The following EPN3 variants were observed in gnomAD, a reference collection of about 807,000 sequenced individuals.
The protein encoded by EPN3 is epsin-3.
A neutral mutation model predicts 55.5 loss-of-function variants in EPN3; 56 were observed. The observed-to-expected ratio is 1.01, with a 90% CI of 0.81 to 1.26. The LOEUF is 1.26. Ranked by LOEUF, EPN3 falls within the 50% of genes most tolerant of loss-of-function variation. EPN3 has a pLI of 0.00. For synonymous variants in EPN3, 449 were observed against 375.2 expected (o/e 1.20, Z -2.27); for missense variants, 927 against 853.4 (o/e 1.09, Z -1.07).
intron 3 of EPN3, 53 bp downstream of exon 3, chr17:50,538,250 A>C: frequency 7.0e-7 from 1 of 1,436,280 alleles, no homozygotes; most frequent in Non-Finnish European, 9.6e-7. Context: ...AGGGGGAGAG[A>C]GTGCCTGGGA....
chr17:50,538,202 G>T lies in EPN3; in HGVS notation c.681+5G>T. 2 of 1,606,204 alleles carry T rather than the reference G, an allele frequency of 1.2e-6. No individual in the cohort carries two copies. Among genetic ancestry groups the T allele is most frequent in the Non-Finnish European group, 1.7e-6 (2 of 1,178,170 alleles). On this transcript the variant is annotated splice_donor_5th_base_variant and intron_variant, in intron 3 of 9. Transcript: ENST00000268933. ...AGCCGTGAGGAGGCAGAGAAGGTGA[G>T]GCCATGCAGCCCCACTGCGGTGGGG...
Position 50,538,125 on chromosome 17 carries a change from G to A in EPN3, c.609G>A (p.Arg203=), listed in dbSNP as rs1167042975. ...ATACCTCCGACCTGGAGCAGGCCCGGCCTCAGACGTCAGGGGAAGAGGAAC... is the reference window on the plus strand; with the variant it reads ...ATACCTCCGACCTGGAGCAGGCCCGACCTCAGACGTCAGGGGAAGAGGAAC... ...PRYTSDLEQA[R]PQTSGEEELQ... Residue 203 remains arginine, a synonymous_variant, in exon 3 of 10, where the codon CGG becomes CGA. Coordinates refer to ENST00000268933, the MANE Select transcript of EPN3 (RefSeq NM_017957.3). The A allele has an allele frequency of 6.2e-7, 1 of 1,613,980 alleles. No homozygotes were observed. Among genetic ancestry groups the A allele is most frequent in the East Asian group, 2.2e-5 (1 of 44,888 alleles).
At chr17:50,540,751 A>C in intron 6 of EPN3, 42 bp from the exon 7 acceptor site, 1 of 1,545,592 alleles carries the variant, frequency 6.5e-7, no homozygotes, top group Non-Finnish European at 8.8e-7. Context: ...GGCGAGGGAT[A>C]AGGGTGGGCC....
chr17:50,539,327 G>C lies in EPN3; in HGVS notation c.891+12G>C, dbSNP rs759443018. The C allele has an allele frequency of 2.5e-6, 4 of 1,613,904 alleles. No individual in the cohort carries two copies. In the Admixed American group the frequency reaches 6.7e-5, roughly 27 times the overall value. On this transcript the variant is annotated intron_variant, in intron 5 of 9. Transcript: ENST00000268933. ...TAAAAACCAGCCAGGTAGGGAGTGGGCTGCGGTGCTTGGGATGGACAGGGC... is the reference window on the plus strand; with the variant it reads ...TAAAAACCAGCCAGGTAGGGAGTGGCCTGCGGTGCTTGGGATGGACAGGGC...
chr17:50,542,157 A>C lies in EPN3; in HGVS notation c.1899A>C (p.Ter633CysextTer56). ...PPQTGTNPFL[*>C] The stretch of plus-strand genomic sequence containing the variant: ...AGACCGGCACCAACCCCTTCCTCTG[A>C]GCCCCGCCCCGTCCCATACCGGCCT... The change falls in exon 10 of 10, where the codon TGA (stop) becomes TGC (cysteine). Residue 633 changes from the stop codon to cysteine (C), a stop_lost. Coordinates refer to ENST00000268933, the MANE Select transcript of EPN3 (RefSeq NM_017957.3). The C allele has an allele frequency of 1.3e-6, 2 of 1,490,842 alleles. No homozygotes were observed. Among genetic ancestry groups the C allele is most frequent in the South Asian group, 2.5e-5 (2 of 79,188 alleles). The allele number at this position is 1,490,842 out of a possible 1,614,324, so 92.4% of individuals were successfully genotyped here.
chr17:50,535,912 G>A (rs2034753433), intron 1 of EPN3: 1 of 152,380 alleles, frequency 6.6e-6, no homozygotes, highest in African/African-American at 2.4e-5. Context: ...GGGCATTCCT[G>A]GAATCCTGTT....
rs2144040727 is a variant in EPN3 at position 50,541,881 on chromosome 17, G to A, written c.1623G>A (p.Ala541=). The change falls in exon 10 of 10, where the codon GCG becomes GCA. Residue 541 remains alanine (A), a synonymous_variant. Coordinates refer to ENST00000268933, the MANE Select transcript of EPN3 (RefSeq NM_017957.3). Reference sequence around the variant, plus strand: ...CGTCCCCCACCAACCCGTTCGGCGCGGGCGAGCCGGGCAGGCCGACGCTAA... The same window carrying A: ...CGTCCCCCACCAACCCGTTCGGCGCAGGCGAGCCGGGCAGGCCGACGCTAA... ...SAPSPTNPFG[A]GEPGRPTLNQ... 3 of 1,607,944 alleles carry A rather than the reference G, an allele frequency of 1.9e-6. No individual in the cohort carries two copies. The highest frequency in any genetic ancestry group is 3.3e-4 in the Middle Eastern group (2 of 6,058).
chr17:50,535,387 C>T (rs553132685), intron 1 of EPN3, among the ~76,000 whole-genome samples: 6 of 152,306 alleles, frequency 3.9e-5, no homozygotes, highest in Admixed American at 3.9e-4. Context: ...GGTCCCATCC[C>T]CTCTCTGGCC....
chr17:50,536,828 G>A lies in EPN3; in HGVS notation c.272G>A (p.Arg91Gln), dbSNP rs199511910. The A allele has an allele frequency of 1.5e-4, 238 of 1,614,082 alleles. No homozygotes were observed. The East Asian group carries it at 3.4e-3, about 23-fold the overall frequency. ...LDYLLKTGSE[R>Q]VAHQCRENLY... is the part of the protein sequence containing the mutation. The stretch of plus-strand genomic sequence containing the variant: ...TACCTGCTCAAGACGGGCTCCGAGC[G>A]GGTGGCCCACCAGTGCCGCGAGAAC... Residue 91 changes from arginine (R) to glutamine (Q), a missense_variant, in exon 2 of 10, where the codon CGG becomes CAG. Coordinates refer to ENST00000268933, the MANE Select transcript of EPN3 (RefSeq NM_017957.3).
chr17:50,536,444 A>G lies in EPN3; in HGVS notation c.-113A>G. 6.4e-7 allele frequency: 1 copy of G among 1,550,436 alleles called. No individual in the cohort carries two copies. On this transcript the variant is annotated 5_prime_UTR_variant, in exon 2 of 10. Coordinates refer to ENST00000268933, the MANE Select transcript of EPN3 (RefSeq NM_017957.3). ...AGCCCCATGTGGAACCCAAGGATGC[A>G]GCTGCTCTGCTAACACGGCAGCCCA...
At position 50,542,070 on chromosome 17, in the gene EPN3, C is replaced by A; in HGVS notation, c.1812C>A (p.Ala604=). 6.3e-7 allele frequency: 1 copy of A among 1,584,946 alleles called. No individual in the cohort carries two copies. Reference sequence around the variant, plus strand: ...TTAGCGTCTTCCCGCAGGCCGGAGCCTTCGCACCGCAGCCGCTGCTGCCCA... The same window carrying A: ...TTAGCGTCTTCCCGCAGGCCGGAGCATTCGCACCGCAGCCGCTGCTGCCCA... ...ASVSVFPQAG[A]FAPQPLLPTP... Residue 604 remains alanine (A), a synonymous_variant, in exon 10 of 10, where the codon GCC becomes GCA. Transcript: ENST00000268933.
At chr17:50,538,733 C>T (rs891061213) in intron 3 of EPN3, 151 bp from the exon 4 acceptor site, 1 of 549,622 alleles carries the variant, frequency 1.8e-6, no homozygotes, top group Non-Finnish European at 3.2e-6. Flanking sequence ...GAGAAGGCCA[C>T]GCCCACCCTG....
rs1283263069 is a variant in EPN3, at chr17:50,542,537, T to C, written c.*380T>C. 1 of 221,342 alleles carries C rather than the reference T, an allele frequency of 4.5e-6. No homozygotes were observed. Among genetic ancestry groups the C allele is most frequent in the Non-Finnish European group, 8.7e-6 (1 of 114,628 alleles). The allele number at this position is 221,342 out of a possible 1,614,324, so 13.7% of individuals were successfully genotyped here. ...CTCCATCCCCCGTCACCCAGGCACC[T>C]TCGCTTCCAGATGCTGCCAGGCTGT... is the stretch of plus-strand genomic sequence containing the variant. On this transcript the variant is annotated 3_prime_UTR_variant, in exon 10 of 10. Coordinates refer to ENST00000268933, the MANE Select transcript of EPN3 (RefSeq NM_017957.3).
At chr17:50,541,115 G>A (rs1288219223) in intron 7 of EPN3, 53 bp downstream of exon 7, 2 of 1,576,182 alleles carry the variant, frequency 1.3e-6, no homozygotes, top group African/African-American at 2.7e-5. Context: ...TTCCAGGCAG[G>A]GCCAAGGGGC....
rs371106341 is a variant in EPN3 at position 50,541,219 on chromosome 17, C to G, written c.1250-10C>G. 1.2e-6 allele frequency: 2 copies of G among 1,613,638 alleles called. No individual in the cohort carries two copies. Among genetic ancestry groups the G allele is most frequent in the East Asian group, 2.2e-5 (1 of 44,880 alleles). ...GTCAACCCATCTCCTCTTCCTCTCT[C>G]TCTTCCGAGGTGGTGCCTCGACCTT... On this transcript the variant is annotated splice_polypyrimidine_tract_variant and intron_variant, in intron 7 of 9. Transcript: ENST00000268933.
chr17:50,541,308 C>T lies in EPN3; in HGVS notation c.1329C>T (p.Pro443=), dbSNP rs1459188227. The change falls in exon 8 of 10, where the codon CCC becomes CCT. Residue 443 remains proline (P), a synonymous_variant. Transcript: ENST00000268933. ...ETKEGLEQAL[P]SGKPSSPVEL... is the part of the protein sequence containing the mutation. ...AGGAGGGGCTGGAGCAGGCCCTGCC[C>T]TCTGGGAAGCCCAGCAGCCCTGTGG... The T allele has an allele frequency of 1.2e-6, 2 of 1,612,722 alleles. No homozygotes were observed. Among genetic ancestry groups the T allele is most frequent in the South Asian group, 1.1e-5 (1 of 91,084 alleles).
At chr17:50,534,549 T>G in intron 1 of EPN3, 3 of 985,438 alleles carry the variant, frequency 3.0e-6, no homozygotes, top group Non-Finnish European at 3.6e-6. Flanking sequence ...AAGGCAGGTC[T>G]GAGTCACTAG....
intron 1 of EPN3, among the ~76,000 whole-genome samples, chr17:50,533,652 C>T (rs1567902284): frequency 6.6e-6 from 1 of 152,146 alleles, no homozygotes; most frequent in Non-Finnish European, 1.5e-5. Flanking sequence ...TCCAGATCCC[C>T]CCATCCTGCA....
In EPN3 at chr17:50,537,014, G is replaced by C; in HGVS notation, c.458G>C (p.Arg153Pro). The C allele has an allele frequency of 6.2e-7, 1 of 1,613,224 alleles. No individual in the cohort carries two copies. The highest frequency in any genetic ancestry group is 1.3e-5 in the African/African-American group (1 of 75,050). Residue 153 changes from arginine to proline, a missense_variant, in exon 2 of 10, where the codon CGC becomes CCC. Physicochemically the swap from Arg to Pro is moderately radical, Grantham distance 103. Transcript: ENST00000268933. The stretch of plus-strand genomic sequence containing the variant: ...ACCCACGCCCTCAAGACCAAGGAGC[G>C]CATGGCACTGGAGGGCATCGGCATT... ...ERTHALKTKE[R>P]MALEGIGIGS... is the part of the protein sequence containing the mutation.
Sources: allele counts gnomAD v4.1 joint callset (sites outside exome capture counted in the v4.1 genomes callset), GRCh38; gene constraint gnomAD v4.1.1; transcripts MANE v1.5; gene names NCBI Gene and HGNC (gene_info 2026-07-23, HGNC 2026-07-21).